Variants in SPOCK1 observed in about 807,000 individuals in gnomAD.
SPOCK1 encodes SPARC (osteonectin), cwcv and kazal like domains proteoglycan 1, also known as testican-1.
SPOCK1 carries 23 observed loss-of-function variants against 55.3 expected under a neutral mutation model. The ratio of observed to expected loss-of-function variants is 0.42; its 90% confidence interval spans 0.30 to 0.59. SPOCK1 has a LOEUF of 0.59. SPOCK1 is among the 20% of genes least tolerant of loss of function. SPOCK1 has a pLI of 0.22. For missense variants in SPOCK1, 499 were observed against 552.5 expected, an observed-to-expected ratio of 0.90 and a Z score of 0.97; for synonymous variants, 226 against 221.0, an observed-to-expected ratio of 1.02 and a Z score of -0.20.
At chr5:137,451,352 C>T (rs1580934585) in intron 2 of SPOCK1, among the ~76,000 whole-genome samples, 1 of 152,198 alleles carries the variant, frequency 6.6e-6, no homozygotes, top group Admixed American at 6.5e-5. Flanking sequence ...CCCAATGTTG[C>T]CCCAAGCTCA....
chr5:137,393,153 C>T (rs1010115771), intron 2 of SPOCK1, among the ~76,000 whole-genome samples: 16 of 152,190 alleles, frequency 1.1e-4, no homozygotes, highest in African/African-American at 3.6e-4. Context: ...ATGTATATTA[C>T]AGTAGATCAA....
chr5:137,158,184 T>G (rs561409658), intron 3 of SPOCK1, among the ~76,000 whole-genome samples: 1 of 152,272 alleles, frequency 6.6e-6, no homozygotes, highest in East Asian at 1.9e-4. Context: ...CCCATCCTGG[T>G]GATTCCATCC....
rs553468601 is a variant in SPOCK1, at chr5:137,021,407, G to A, written c.590-28807C>T. 1.3e-3 allele frequency among the ~76,000 whole-genome samples: 204 copies of A among 152,256 alleles called. 1 individual carries two copies. Among genetic ancestry groups the A allele is most frequent in the African/African-American group, 4.3e-3 (179 of 41,530 alleles). On this transcript the variant is annotated intron_variant, in intron 6 of 10. Transcript: ENST00000394945. ...AACACAGAAGTCAATATGATAGTTA[G>A]CACGAAATAAGGAGGAGAGAGGATG...
chr5:137,216,847 C>T (rs567762627), intron 3 of SPOCK1, among the ~76,000 whole-genome samples: 1 of 152,290 alleles, frequency 6.6e-6, no homozygotes, highest in African/African-American at 2.4e-5. Flanking sequence ...CTCGGAAAGG[C>T]ATAAAAGAGG....
chr5:137,036,235 G>A (rs1751881292), intron 6 of SPOCK1, among the ~76,000 whole-genome samples: 1 of 152,100 alleles, frequency 6.6e-6, no homozygotes, highest in Non-Finnish European at 1.5e-5. Flanking sequence ...TATCCATCTA[G>A]TAACTCTGAG....
intron 2 of SPOCK1, among the ~76,000 whole-genome samples, chr5:137,446,685 C>T (rs1390422447): frequency 1.3e-5 from 2 of 152,218 alleles, no homozygotes; most frequent in East Asian, 3.9e-4. Context: ...AAAAAATTTA[C>T]CATTGTAAAT....
In SPOCK1 at chr5:137,234,838, T is replaced by C. The variant is rs560261159; in HGVS notation, c.232+32172A>G. Among the ~76,000 whole-genome samples the C allele has an allele frequency of 3.9e-5, 6 of 152,352 alleles. No homozygotes were observed. In the South Asian group the frequency reaches 1.2e-3, roughly 32 times the overall value. On this transcript the variant is annotated intron_variant, in intron 3 of 10. Transcript: ENST00000394945. ...GTTTAGTTAATTAGTGATGTACTAA[T>C]GTGTTTCTTAGGTTTGACAAGTATA...
intron 2 of SPOCK1, among the ~76,000 whole-genome samples, chr5:137,377,227 C>G (rs373458661): frequency 6.6e-6 from 1 of 152,222 alleles, no homozygotes; most frequent in Non-Finnish European, 1.5e-5. Flanking sequence ...TGGCCCCACA[C>G]AGGTTACTGG....
chr5:137,340,868 G>A (rs555443822), intron 2 of SPOCK1, among the ~76,000 whole-genome samples: 31 of 148,956 alleles, frequency 2.1e-4, no homozygotes, highest in African/African-American at 6.9e-4. Flanking sequence ...GTGACACAGT[G>A]AGATTCCATC....
chr5:137,323,489 T>C (rs1039299947), intron 2 of SPOCK1, among the ~76,000 whole-genome samples: 6 of 152,026 alleles, frequency 3.9e-5, no homozygotes, highest in African/African-American at 1.5e-4. Flanking sequence ...ATAATTATAT[T>C]TGCACCTAAC....
In SPOCK1 at chr5:137,161,572, G is replaced by A. The variant is rs929837749; in HGVS notation, c.233-20878C>T. Among the ~76,000 whole-genome samples the A allele has an allele frequency of 4.1e-4, 62 of 151,952 alleles. 2 individuals are homozygous for A. The highest frequency in any genetic ancestry group is 2.0e-3 in the Admixed American group (31 of 15,222). ...TATATTTTGTGTCATGCTTCCCCTG[G>A]TTTTTGTCTTACTTGTAACAAAATT... On this transcript the variant is annotated intron_variant, in intron 3 of 10. Transcript: ENST00000394945.
chr5:137,239,897 C>T (rs952323820), intron 3 of SPOCK1, among the ~76,000 whole-genome samples: 8 of 152,222 alleles, frequency 5.3e-5, no homozygotes, highest in Admixed American at 4.6e-4. Context: ...TGATTATATA[C>T]TTAGAAAGTC....
At chr5:137,051,131 G>A (rs1186396551) in intron 6 of SPOCK1, among the ~76,000 whole-genome samples, 2 of 152,178 alleles carry the variant, frequency 1.3e-5, no homozygotes, top group African/African-American at 4.8e-5. Context: ...GGTGAAAAAT[G>A]AATTATTGAG....
chr5:137,168,526 A>G (rs1423313711), intron 3 of SPOCK1, among the ~76,000 whole-genome samples: 1 of 152,134 alleles, frequency 6.6e-6, no homozygotes, highest in African/African-American at 2.4e-5. Flanking sequence ...TAATAATCTG[A>G]TTGAAAAATA....
chr5:137,404,470 C>T (rs563012012), intron 2 of SPOCK1, among the ~76,000 whole-genome samples: 10 of 146,328 alleles, frequency 6.8e-5, no homozygotes, highest in African/African-American at 1.8e-4. Flanking sequence ...AGTGCAATGG[C>T]GCGATCTTGG....
In SPOCK1 at chr5:137,446,588, A is replaced by G. The variant is rs564706914; in HGVS notation, c.186+51785T>C. Among the ~76,000 whole-genome samples the G allele has an allele frequency of 7.7e-4, 117 of 152,334 alleles. 2 individuals carry two copies. The highest frequency in any genetic ancestry group is 4.2e-3 in the East Asian group (22 of 5,184). ...AGAAAATTGGGAAGGTGCCCGCACC[A>G]TGGAAAAGACAAGACGGGCACAAGT... On this transcript the variant is annotated intron_variant, in intron 2 of 10. Coordinates refer to ENST00000394945, the MANE Select transcript of SPOCK1 (RefSeq NM_004598.4).
intron 3 of SPOCK1, among the ~76,000 whole-genome samples, chr5:137,225,949 C>T (rs972842799): frequency 2.6e-5 from 4 of 152,310 alleles, no homozygotes; most frequent in Admixed American, 2.0e-4. Context: ...AGAAATGGTG[C>T]GGGCAGCCTT....
intron 2 of SPOCK1, among the ~76,000 whole-genome samples, chr5:137,297,035 C>T (rs1342505504): frequency 1.3e-5 from 2 of 152,180 alleles, no homozygotes; most frequent in Admixed American, 1.3e-4. Context: ...CATACATACA[C>T]ATGCAATAGA....
At chr5:136,988,671 G>T in intron 7 of SPOCK1, 28 bp from the exon 8 acceptor site, 1 of 1,590,524 alleles carries the variant, frequency 6.3e-7, no homozygotes, top group South Asian at 1.1e-5. Flanking sequence ...TATCTCAGCT[G>T]CCACCAAGCC....
Sources: allele counts gnomAD v4.1 joint callset (sites outside exome capture counted in the v4.1 genomes callset), GRCh38; gene constraint gnomAD v4.1.1; transcripts MANE v1.5; gene names NCBI Gene and HGNC (gene_info 2026-07-23, HGNC 2026-07-21).